Variants in ABCG1 observed in about 807,000 individuals in gnomAD.
The protein encoded by ABCG1 is ATP-binding cassette sub-family G member 1.
Under a neutral mutation model 69.2 loss-of-function variants are expected in ABCG1, and 29 were observed. That is an observed-to-expected ratio of 0.42 (90% CI 0.31 to 0.57). The LOEUF (loss-of-function observed/expected upper bound fraction) is 0.57. Among genes scored for constraint, ABCG1 ranks in the 20% least tolerant of loss-of-function variants. ABCG1 has a pLI of 0.15. For synonymous variants in ABCG1, 370 were observed against 374.8 expected (o/e 0.99, Z 0.15); for missense variants, 718 against 898.1 (o/e 0.80, Z 2.56).
intron 2 of ABCG1, among the ~76,000 whole-genome samples, chr21:42,233,893 G>C (rs1052634932): frequency 6.6e-6 from 1 of 152,220 alleles, no homozygotes. Context: ...AGGCAACTTG[G>C]TGCCTTCCAA....
intron 2 of ABCG1, chr21:42,256,436 T>C (rs2068306419): frequency 1.3e-6 from 2 of 1,549,332 alleles, no homozygotes; most frequent in Admixed American, 3.9e-5. Flanking sequence ...CCTGTCAGAG[T>C]ATCCAGAGGC....
intron 2 of ABCG1, among the ~76,000 whole-genome samples, chr21:42,206,340 ACT>A (rs1186585199): frequency 6.6e-6 from 1 of 150,470 alleles, no homozygotes; most frequent in East Asian, 1.9e-4. Context: ...ACAGAGGGAG[ACT>A]CTGTCTCAAA....
chr21:42,216,564 C>A (rs2067642955), upstream of ABCG1, among the ~76,000 whole-genome samples: 1 of 152,174 alleles, frequency 6.6e-6, no homozygotes, highest in Non-Finnish European at 1.5e-5. Context: ...AGGAGCAAGC[C>A]TGCAGCTGCT....
intron 2 of ABCG1, among the ~76,000 whole-genome samples, chr21:42,239,600 A>G (rs1601375246): frequency 6.6e-6 from 1 of 151,940 alleles, no homozygotes; most frequent in Non-Finnish European, 1.5e-5. Context: ...GGGCAAGGGG[A>G]GGTGTAGGGG....
intron 2 of ABCG1, among the ~76,000 whole-genome samples, chr21:42,246,094 G>A (rs1190999829): frequency 6.6e-6 from 1 of 152,162 alleles, no homozygotes. Flanking sequence ...AGTACAGGGA[G>A]GGAGTTCCCT....
At chr21:42,293,662 C>T (rs2069140165) in intron 13 of ABCG1, among the ~76,000 whole-genome samples, 1 of 148,358 alleles carries the variant, frequency 6.7e-6, no homozygotes, top group Admixed American at 6.7e-5. Context: ...ACACCACACA[C>T]TACACACGCA....
intron 2 of ABCG1, chr21:42,259,894 G>C (rs1026327515): frequency 2.8e-6 from 4 of 1,449,494 alleles, no homozygotes; most frequent in Non-Finnish European, 3.6e-6. Flanking sequence ...GCGGGAGAAA[G>C]AAGGCCCCCA....
chr21:42,267,159 C>A (rs1251674716), intron 2 of ABCG1, among the ~76,000 whole-genome samples: 2 of 152,212 alleles, frequency 1.3e-5, no homozygotes, highest in South Asian at 4.1e-4. Flanking sequence ...GGGAGTGGAG[C>A]CTTCCTCCCA....
intron 3 of ABCG1, among the ~76,000 whole-genome samples, chr21:42,272,640 G>T (rs1457228624): frequency 6.6e-6 from 1 of 152,242 alleles, no homozygotes; most frequent in Non-Finnish European, 1.5e-5. Flanking sequence ...GATGCTCCCA[G>T]AACGGCAGGC....
chr21:42,276,171 G>T lies in ABCG1; in HGVS notation c.538-724G>T, dbSNP rs2068706753. Among the ~76,000 whole-genome samples, 3 of 152,198 alleles carry T rather than the reference G, an allele frequency of 2.0e-5. No homozygotes were observed. The highest frequency in any genetic ancestry group is 7.2e-5 in the African/African-American group (3 of 41,428). On this transcript the variant is annotated intron_variant, in intron 4 of 14. Transcript: ENST00000398449. The surrounding 1 kb of genome is among the most constrained non-coding windows in gnomAD (Gnocchi z 5.3). ...GGAGGGTGGAAGCAAGGCCCGTCCTGTGCATGGTGATCTACTCTGGGTTTT... is the reference window on the plus strand; with the variant it reads ...GGAGGGTGGAAGCAAGGCCCGTCCTTTGCATGGTGATCTACTCTGGGTTTT...
At chr21:42,204,433 G>GT (rs2067528235) in intron 2 of ABCG1, among the ~76,000 whole-genome samples, 1 of 152,258 alleles carries the variant, frequency 6.6e-6, no homozygotes, top group South Asian at 2.1e-4. Context: ...TTTTCTGAGT[G>GT]TTTTAACCAT....
upstream of ABCG1, among the ~76,000 whole-genome samples, chr21:42,216,823 G>A (rs1002606587): frequency 7.2e-5 from 11 of 152,190 alleles, no homozygotes; most frequent in Admixed American, 4.6e-4. Flanking sequence ...TTTCCCGATC[G>A]GGCGCTGGAG....
chr21:42,200,962 G>T (rs2067502053), intron 1 of ABCG1, among the ~76,000 whole-genome samples: 1 of 152,088 alleles, frequency 6.6e-6, no homozygotes, highest in Non-Finnish European at 1.5e-5. Context: ...AGGTACATGT[G>T]CAGGATGTGC....
intron 2 of ABCG1, among the ~76,000 whole-genome samples, chr21:42,247,931 G>C (rs2068157305): frequency 6.6e-6 from 1 of 152,174 alleles, no homozygotes; most frequent in African/African-American, 2.4e-5. Context: ...CTCCCCTGGA[G>C]CCTCCGGAGG....
Position 42,291,987 on chromosome 21 carries a change from G to A in ABCG1, c.1653+331G>A, listed in dbSNP as rs550931813. Among the ~76,000 whole-genome samples, 4 of 152,246 alleles carry A rather than the reference G, an allele frequency of 2.6e-5. No homozygotes were observed. Among genetic ancestry groups the A allele is most frequent in the South Asian group, 4.1e-4 (2 of 4,826 alleles). On this transcript the variant is annotated intron_variant, in intron 13 of 14. Transcript: ENST00000398449. This position sits in a 1 kb window ranked among gnomAD's most constrained non-coding sequence, Gnocchi z 6.4. ...ATAGGGGAGCACTGAGGCCCAGAGAGGCAAAGTGATTTGTCAGGGGGTCAC... is the reference window on the plus strand; with the variant it reads ...ATAGGGGAGCACTGAGGCCCAGAGAAGCAAAGTGATTTGTCAGGGGGTCAC...
intron 13 of ABCG1, among the ~76,000 whole-genome samples, chr21:42,293,913 C>T (rs71320519): frequency 4.7e-5 from 7 of 148,152 alleles, no homozygotes; most frequent in Non-Finnish European, 9.1e-5. Flanking sequence ...CCACACACCG[C>T]AGACACCACA....
chr21:42,290,085 G>A lies in ABCG1; in HGVS notation c.1260G>A (p.Gly420=), dbSNP rs1194036832. Residue 420 remains glycine (G), a synonymous_variant, in exon 11 of 15, where the codon GGG becomes GGA. Coordinates refer to ENST00000398449, the MANE Select transcript of ABCG1 (RefSeq NM_016818.3). ...LTHLRITSHI[G]IGLLIGLLYL... ...ACCTGCGCATCACCTCGCACATTGG[G>A]ATCGGCCTCCTCATTGGCCTGCTGT... 6.2e-7 allele frequency: 1 copy of A among 1,614,226 alleles called. No homozygotes were observed. The highest frequency in any genetic ancestry group is 8.5e-7 in the Non-Finnish European group (1 of 1,180,038).
rs774525721 is a variant in ABCG1, at chr21:42,225,826, C to A, written c.198C>A (p.Phe66Leu). 1.2e-6 allele frequency: 2 copies of A among 1,614,002 alleles called. No individual in the cohort carries two copies. The highest frequency in any genetic ancestry group is 2.2e-5 in the South Asian group (2 of 91,042). ...ATAACCTCACGGAAGCCCAGCGCTT[C>A]TCCTCCTTGCCTCGGAGGGCAGCTG... ...VDNNLTEAQRFSSLPRRAAVN... is the reference protein window; with the variant it reads ...VDNNLTEAQRLSSLPRRAAVN... Residue 66 changes from phenylalanine to leucine, a missense_variant, in exon 2 of 15, where the codon TTC becomes TTA. By Grantham distance (22) the Phe-to-Leu change is conservative (BLOSUM62 0). Transcript: ENST00000398449.
At chr21:42,242,090 C>T (rs2123601978) in intron 2 of ABCG1, among the ~76,000 whole-genome samples, 1 of 152,236 alleles carries the variant, frequency 6.6e-6, no homozygotes. Context: ...GTATATGGGG[C>T]CAGCCACAAA....
Sources: gnomAD v4.1 joint callset for allele counts (sites outside exome capture counted in the v4.1 genomes callset) on GRCh38, gnomAD v4.1.1 for gene constraint, Gnocchi (gnomAD v3.1) non-coding constraint, MANE v1.5 for transcripts, NCBI Gene and HGNC (gene_info 2026-07-23, HGNC 2026-07-21) for gene names.